The following TIAM1 variants were observed in gnomAD, a reference collection of about 807,000 sequenced individuals.
TIAM1 encodes the protein rho guanine nucleotide exchange factor TIAM1.
In TIAM1, 65 loss-of-function variants were observed where a neutral mutation model predicts 163.5. The ratio of observed to expected loss-of-function variants is 0.40; its 90% CI spans 0.33 to 0.49. The LOEUF (loss-of-function observed/expected upper bound fraction) is 0.49. Among genes scored for constraint, TIAM1 ranks in the 20% least tolerant of loss-of-function variants. The pLI, the probability that TIAM1 is intolerant of heterozygous loss-of-function variation, is 0.77. For synonymous variants in TIAM1, 833 were observed against 810.1 expected (o/e 1.03, Z -0.48); for missense variants, 1,789 against 2,044.7 (o/e 0.87, Z 2.41).
intron 2 of TIAM1, among the ~76,000 whole-genome samples, chr21:31,351,360 C>A (rs972786486): frequency 6.6e-6 from 1 of 152,164 alleles, no homozygotes; most frequent in Non-Finnish European, 1.5e-5. Context: ...ATTATTACCT[C>A]CTTTAAAAAA....
chr21:31,243,209 A>AAAAATATATATAT (rs59419171), intron 6 of TIAM1, among the ~76,000 whole-genome samples: 2 of 117,278 alleles, frequency 1.7e-5, no homozygotes, highest in African/African-American at 7.5e-5. Context: ...AAAAAAAAAA[A>AAAAATATATATAT]ATATATATAT....
chr21:31,384,401 C>CAAAA (rs5843516), intron 2 of TIAM1, among the ~76,000 whole-genome samples: 8 of 107,800 alleles, frequency 7.4e-5, no homozygotes, highest in Admixed American at 2.0e-4. Context: ...CCCATCTCTA[C>CAAAA]AAAAAAAAAA....
At position 31,257,821 on chromosome 21, in the gene TIAM1, C is replaced by A. The variant is rs1368246685; in HGVS notation, c.964-5632G>T. ...CACTCCCAAGAATACTCACGTCCCCCCTTTTACTACAACCAGAAGGCTTCT... is the reference window on the plus strand; with the variant it reads ...CACTCCCAAGAATACTCACGTCCCCACTTTTACTACAACCAGAAGGCTTCT... On this transcript the variant is annotated intron_variant, in intron 4 of 27. Transcript: ENST00000541036. Among the ~76,000 whole-genome samples, 7 of 152,252 alleles carry A rather than the reference C, an allele frequency of 4.6e-5. No individual in the cohort carries two copies. In the South Asian group the frequency reaches 8.3e-4, roughly 18 times the overall value.
At chr21:31,367,502 T>C (rs769465156) in intron 2 of TIAM1, among the ~76,000 whole-genome samples, 2 of 152,166 alleles carry the variant, frequency 1.3e-5, no homozygotes, top group Admixed American at 6.5e-5. Flanking sequence ...GAAGTCTCCA[T>C]AGCAACTGAA....
intron 1 of TIAM1, among the ~76,000 whole-genome samples, chr21:31,546,642 T>C (rs368328943): frequency 9.2e-5 from 14 of 152,006 alleles, no homozygotes; most frequent in African/African-American, 2.7e-4. Flanking sequence ...TCAAAGGCTA[T>C]TAACCATTTT....
chr21:31,290,773 C>T (rs1387456430), intron 2 of TIAM1, among the ~76,000 whole-genome samples: 1 of 151,836 alleles, frequency 6.6e-6, no homozygotes, highest in African/African-American at 2.4e-5. Context: ...ACCTGTGTTT[C>T]CTCAGTTTCC....
intron 15 of TIAM1, among the ~76,000 whole-genome samples, chr21:31,174,532 G>T (rs1269206533): frequency 4.6e-5 from 7 of 152,178 alleles, no homozygotes; most frequent in Non-Finnish European, 1.0e-4. Context: ...TAGGCCTGCT[G>T]TTAGCCACAC....
At chr21:31,172,612 G>A (rs1299049485) in intron 15 of TIAM1, among the ~76,000 whole-genome samples, 1 of 152,168 alleles carries the variant, frequency 6.6e-6, no homozygotes, top group Non-Finnish European at 1.5e-5. Context: ...CGGGGGAGAG[G>A]AAGAGGGCTC....
intron 1 of TIAM1, among the ~76,000 whole-genome samples, chr21:31,526,753 G>A (rs1186563917): frequency 6.6e-6 from 1 of 152,152 alleles, no homozygotes; most frequent in African/African-American, 2.4e-5. Flanking sequence ...CCAGGCTGGA[G>A]TAGAGGGGCA....
chr21:31,143,458 A>ATG (rs1168497104), intron 20 of TIAM1, among the ~76,000 whole-genome samples: 1 of 151,162 alleles, frequency 6.6e-6, no homozygotes, highest in Non-Finnish European at 1.5e-5. Context: ...ATTTTTATAT[A>ATG]TATATATACA....
At chr21:31,223,077 T>TA (rs1199390739) in intron 8 of TIAM1, among the ~76,000 whole-genome samples, 1 of 151,982 alleles carries the variant, frequency 6.6e-6, no homozygotes, top group South Asian at 2.1e-4. Flanking sequence ...CAAGTTTATA[T>TA]AAAAAATATG....
chr21:31,406,700 G>A (rs1404693433), intron 2 of TIAM1, among the ~76,000 whole-genome samples: 1 of 152,102 alleles, frequency 6.6e-6, no homozygotes, highest in African/African-American at 2.4e-5. Context: ...GCCCATCAGA[G>A]CTCTCAGCCC....
At chr21:31,273,657 A>C (rs2073165509) in intron 3 of TIAM1, among the ~76,000 whole-genome samples, 1 of 152,252 alleles carries the variant, frequency 6.6e-6, no homozygotes, top group Admixed American at 6.5e-5. Flanking sequence ...TGATGTAACA[A>C]TACCTGGAGT....
intron 19 of TIAM1, among the ~76,000 whole-genome samples, chr21:31,151,909 G>T (rs535511436): frequency 1.3e-5 from 2 of 152,040 alleles, no homozygotes; most frequent in Non-Finnish European, 2.9e-5. Flanking sequence ...AGGCTGCAAG[G>T]ACACCGTGTG....
At chr21:31,205,863 G>T (rs1370294669) in intron 11 of TIAM1, among the ~76,000 whole-genome samples, 1 of 152,092 alleles carries the variant, frequency 6.6e-6, no homozygotes, top group Non-Finnish European at 1.5e-5. Context: ...GGCTACTCAG[G>T]AAGTTGAGGC....
At chr21:31,265,091 G>A (rs1240439607) in intron 4 of TIAM1, among the ~76,000 whole-genome samples, 1 of 151,738 alleles carries the variant, frequency 6.6e-6, no homozygotes, top group Non-Finnish European at 1.5e-5. Context: ...ATCCCCCTGC[G>A]TCAGCCACCA....
At chr21:31,272,244 A>T (rs552244631) in intron 3 of TIAM1, among the ~76,000 whole-genome samples, 9 of 152,350 alleles carry the variant, frequency 5.9e-5, no homozygotes, top group African/African-American at 2.2e-4. Context: ...TACTGTGCTG[A>T]AAGTGAAAAA....
In TIAM1 at chr21:31,120,982, A is replaced by C. The variant is rs950749250; in HGVS notation, c.4307-145T>G. 1 of 735,934 alleles carries C rather than the reference A, an allele frequency of 1.4e-6. No homozygotes were observed. The highest frequency in any genetic ancestry group is 2.7e-5 in the East Asian group (1 of 36,904). The allele number at this position is 735,934 out of a possible 1,614,324, so 45.6% of individuals were successfully genotyped here. The stretch of plus-strand genomic sequence containing the variant: ...ATGTCTTTTGGGGCTTAAAGTCTAC[A>C]TATCACCAATCTGTCATGGAGCATT... On this transcript the variant is annotated intron_variant, in intron 27 of 27. Transcript: ENST00000541036. This position sits in a 1 kb window ranked among gnomAD's most constrained non-coding sequence, Gnocchi z 4.2.
At chr21:31,486,831 C>G (rs1409554190) in intron 1 of TIAM1, among the ~76,000 whole-genome samples, 1 of 152,246 alleles carries the variant, frequency 6.6e-6, no homozygotes, top group Non-Finnish European at 1.5e-5. Context: ...TATCACCACT[C>G]AGGCCCCCGC....
Sources: gnomAD v4.1 joint callset for allele counts (sites outside exome capture counted in the v4.1 genomes callset) on GRCh38, gnomAD v4.1.1 for gene constraint, Gnocchi (gnomAD v3.1) non-coding constraint, MANE v1.5 for transcripts, NCBI Gene and HGNC (gene_info 2026-07-23, HGNC 2026-07-21) for gene names.